AQP7B: variants seen among roughly 807,000 people sequenced by gnomAD.
AQP7B encodes aquaporin 7B.
At chr2:94,591,196 C>T in the AQP7B span, among the ~76,000 whole-genome samples, 1 of 151,906 alleles carries the variant, frequency 6.6e-6, no homozygotes, top group Non-Finnish European at 1.5e-5. Context: ...GTAAGTGAGA[C>T]CACATGACCA....
the AQP7B span, among the ~76,000 whole-genome samples, chr2:94,601,651 A>T: frequency 6.6e-5 from 10 of 152,140 alleles, no homozygotes; most frequent in Non-Finnish European, 1.5e-4. Flanking sequence ...TGACTGAAAC[A>T]GGGAGGGGGC....
the AQP7B span, among the ~76,000 whole-genome samples, chr2:94,600,157 A>C: frequency 6.6e-6 from 1 of 151,988 alleles, no homozygotes; most frequent in Non-Finnish European, 1.5e-5. Flanking sequence ...GGCATGAGCC[A>C]CCGCACCCAG....
the AQP7B span, among the ~76,000 whole-genome samples, chr2:94,598,003 G>C: frequency 4.6e-5 from 7 of 152,294 alleles, no homozygotes; most frequent in East Asian, 1.3e-3. Context: ...CCCAGCCAGG[G>C]TAAGGTCCTC....
At chr2:94,587,447 C>T in the AQP7B span, among the ~76,000 whole-genome samples, 4 of 152,278 alleles carry the variant, frequency 2.6e-5, 1 homozygote, top group South Asian at 8.3e-4. Context: ...ATGGGGCAGC[C>T]TCCTCAGTGC....
At chr2:94,587,513 A>T in the AQP7B span, among the ~76,000 whole-genome samples, 1 of 151,932 alleles carries the variant, frequency 6.6e-6, no homozygotes, top group Non-Finnish European at 1.5e-5. Flanking sequence ...TGACTGAGGG[A>T]TTGTTTGGGG....
At chr2:94,603,671 G>C in the AQP7B span, 1 of 1,346,382 alleles carries the variant, frequency 7.4e-7, no homozygotes. Flanking sequence ...CTGTGGCTTG[G>C]GGAGGGGCCC....
At chr2:94,603,364 A>T in the AQP7B span, 1 of 1,593,712 alleles carries the variant, frequency 6.3e-7, no homozygotes, top group Non-Finnish European at 8.6e-7. Context: ...GGTTCGCATG[A>T]TAGTCTGTGT....
At chr2:94,593,480 C>CTTTTT in the AQP7B span, among the ~76,000 whole-genome samples, 7 of 113,954 alleles carry the variant, frequency 6.1e-5, no homozygotes, top group Non-Finnish European at 7.2e-5. Context: ...TCCTCTTCCT[C>CTTTTT]TTTTTTTTTT....
chr2:94,603,717 G>T, the AQP7B span: 2 of 1,484,136 alleles, frequency 1.3e-6, no homozygotes, highest in Non-Finnish European at 1.8e-6. Flanking sequence ...CTCAGGAGTG[G>T]CTGACCAGGA....
chr2:94,593,245 A>G, the AQP7B span, among the ~76,000 whole-genome samples: 1 of 151,742 alleles, frequency 6.6e-6, no homozygotes, highest in Non-Finnish European at 1.5e-5. Flanking sequence ...AGAGAAAGGG[A>G]AATTTAGGTC....
the AQP7B span, among the ~76,000 whole-genome samples, chr2:94,601,401 G>C: frequency 6.6e-6 from 1 of 152,358 alleles, no homozygotes; most frequent in East Asian, 1.9e-4. Flanking sequence ...TTCCAATGGG[G>C]ATTTGCAAAT....
At chr2:94,597,984 TA>T in the AQP7B span, among the ~76,000 whole-genome samples, 1 of 152,300 alleles carries the variant, frequency 6.6e-6, no homozygotes, top group East Asian at 1.9e-4. Flanking sequence ...ACTGGCTTGT[TA>T]ATGCTCCCCC....
chr2:94,602,604 G>C, the AQP7B span: 5 of 1,595,248 alleles, frequency 3.1e-6, 1 homozygote, highest in South Asian at 5.5e-5. Context: ...CACGTGGCAG[G>C]CCGCATCTCT....
the AQP7B span, among the ~76,000 whole-genome samples, chr2:94,587,510 G>A: frequency 6.6e-6 from 1 of 152,188 alleles, no homozygotes; most frequent in African/African-American, 2.4e-5. Context: ...AGGTGACTGA[G>A]GGATTGTTTG....
At chr2:94,597,615 T>C in the AQP7B span, among the ~76,000 whole-genome samples, 1 of 151,538 alleles carries the variant, frequency 6.6e-6, no homozygotes, top group African/African-American at 2.4e-5. Context: ...CTTTTTTGTT[T>C]TTTTTTTTTT....
At chr2:94,588,987 T>C in the AQP7B span, among the ~76,000 whole-genome samples, 8 of 148,242 alleles carry the variant, frequency 5.4e-5, no homozygotes, top group South Asian at 2.1e-4. Context: ...TTTTTTCTTT[T>C]TTTTTTTTTT....
chr2:94,594,711 C>T, the AQP7B span: 15 of 1,453,566 alleles, frequency 1.0e-5, no homozygotes, highest in East Asian at 2.3e-5. Context: ...CTTGAGTCTC[C>T]TTTCTGTCCC....
At chr2:94,593,984 A>C in the AQP7B span, among the ~76,000 whole-genome samples, 9 of 152,318 alleles carry the variant, frequency 5.9e-5, no homozygotes, top group South Asian at 1.9e-3. Context: ...AGAGTAAGAC[A>C]GATTCCCCAG....
chr2:94,595,196 AG>A, the AQP7B span, among the ~76,000 whole-genome samples: 1 of 152,146 alleles, frequency 6.6e-6, no homozygotes, highest in East Asian at 1.9e-4. Flanking sequence ...GCACTTTGGG[AG>A]GCTTAGGCAG....
Sources: allele counts gnomAD v4.1 joint callset (sites outside exome capture counted in the v4.1 genomes callset), GRCh38; gene constraint gnomAD v4.1.1; transcripts MANE v1.5; gene names NCBI Gene and HGNC (gene_info 2026-07-23, HGNC 2026-07-21).